APCDD1L: variants seen among roughly 807,000 people sequenced by gnomAD.
APCDD1L encodes the protein protein APCDD1-like.
APCDD1L carries 21 observed loss-of-function variants against 24.2 expected under a neutral mutation model. The observed-to-expected ratio is 0.87, with a 90% CI of 0.61 to 1.25. The LOEUF (loss-of-function observed/expected upper bound fraction) is 1.25. APCDD1L is among the 50% of genes most tolerant of loss of function. The pLI, the probability that APCDD1L is intolerant of heterozygous loss-of-function variation, is 0.00. For missense variants in APCDD1L, 704 were observed against 711.7 expected (o/e 0.99, Z 0.12); for synonymous variants, 321 against 323.6 (o/e 0.99, Z 0.09).
rs1989720156 is a variant in APCDD1L, at chr20:58,467,109, T to C, written c.738A>G (p.Ala246=). The change falls in exon 3 of 4, where the codon GCA becomes GCG. Residue 246 remains alanine (A), a synonymous_variant. Coordinates refer to ENST00000371149, the MANE Select transcript of APCDD1L (RefSeq NM_153360.3). The surrounding 1 kb of genome is among the most constrained non-coding windows in gnomAD (Gnocchi z 5.9). ...PTGYQRPLQS[A]LHHVQPCPAC... is the part of the protein sequence containing the mutation. ...ACACCCCAACACACACACTCACCAG[T>C]GCGCTCTGCAGCGGGCGCTGGTAGC... The C allele has an allele frequency of 6.2e-7, 1 of 1,602,530 alleles. No individual in the cohort carries two copies. Among genetic ancestry groups the C allele is most frequent in the African/African-American group, 1.4e-5 (1 of 74,030 alleles).
chr20:58,468,165 A>G (rs1261616589), intron 2 of APCDD1L, among the ~76,000 whole-genome samples: 1 of 152,024 alleles, frequency 6.6e-6, no homozygotes, highest in Non-Finnish European at 1.5e-5. Flanking sequence ...CTTTTTCTGT[A>G]AAGGGCTGAG....
intron 3 of APCDD1L, among the ~76,000 whole-genome samples, chr20:58,466,762 G>A (rs544105246): frequency 6.6e-6 from 1 of 152,290 alleles, no homozygotes; most frequent in South Asian, 2.1e-4. Context: ...TATTTCAGCC[G>A]AGAACTAAGG....
At chr20:58,495,389 G>C (rs529283307) in intron 1 of APCDD1L, among the ~76,000 whole-genome samples, 1 of 152,220 alleles carries the variant, frequency 6.6e-6, no homozygotes, top group Admixed American at 6.5e-5. Flanking sequence ...GCCGGCCCTT[G>C]GGGCCAGATA....
chr20:58,513,026 G>A (rs1990658716), intron 1 of APCDD1L, among the ~76,000 whole-genome samples: 1 of 152,204 alleles, frequency 6.6e-6, no homozygotes, highest in Non-Finnish European at 1.5e-5. Flanking sequence ...TACACTCACA[G>A]TGATTTCATT....
chr20:58,466,125 CAAAA>C (rs35123325), intron 3 of APCDD1L, among the ~76,000 whole-genome samples: 43 of 120,418 alleles, frequency 3.6e-4, no homozygotes, highest in African/African-American at 1.2e-3. Flanking sequence ...GCTCATCTGG[CAAAA>C]AAAAAAAAAA....
intron 1 of APCDD1L, among the ~76,000 whole-genome samples, chr20:58,482,592 G>C (rs1990043816): frequency 6.6e-6 from 1 of 152,058 alleles, no homozygotes; most frequent in Admixed American, 6.6e-5. Context: ...GATGACCACA[G>C]CGGGTGAGTC....
intron 1 of APCDD1L, among the ~76,000 whole-genome samples, chr20:58,503,292 A>G (rs898576227): frequency 1.3e-5 from 2 of 152,204 alleles, no homozygotes; most frequent in African/African-American, 4.8e-5. Context: ...AAGCCCAGGT[A>G]CTTTCACTCA....
intron 1 of APCDD1L, among the ~76,000 whole-genome samples, chr20:58,478,503 C>T (rs973356883): frequency 6.6e-5 from 10 of 151,998 alleles, no homozygotes; most frequent in African/African-American, 2.2e-4. Context: ...GCTGGGTCCT[C>T]ATCTCTCTTG....
intron 1 of APCDD1L, among the ~76,000 whole-genome samples, chr20:58,491,050 T>A (rs1405725184): frequency 2.0e-5 from 3 of 152,242 alleles, no homozygotes; most frequent in Non-Finnish European, 4.4e-5. Flanking sequence ...AAAATGCATT[T>A]GATAAAATTC....
At position 58,467,186 on chromosome 20, in the gene APCDD1L, G is replaced by C. The variant is rs756484848; in HGVS notation, c.661C>G (p.Leu221Val). The C allele has an allele frequency of 1.1e-5, 18 of 1,606,372 alleles. No homozygotes were observed. In the East Asian group the frequency reaches 4.0e-4, roughly 36 times the overall value. The change falls in exon 3 of 4, where the codon CTG (leucine) becomes GTG (valine). Residue 221 changes from leucine to valine, a missense_variant. By Grantham distance (32) the Leu-to-Val change is conservative. Transcript: ENST00000371149. The surrounding 1 kb of genome is among the most constrained non-coding windows in gnomAD (Gnocchi z 5.9). ...ASPRLVEELYLGDIHTDPAER... is the reference protein window; with the variant it reads ...ASPRLVEELYVGDIHTDPAER... ...GCCGGGTCGGTGTGGATGTCCCCCAGGTACAGCTCCTCCACCAGCCGGGGC... is the reference window on the plus strand; with the variant it reads ...GCCGGGTCGGTGTGGATGTCCCCCACGTACAGCTCCTCCACCAGCCGGGGC...
In APCDD1L at chr20:58,461,299, C is replaced by T. The variant is rs201976535; in HGVS notation, c.997G>A (p.Ala333Thr). 316 of 1,609,388 alleles carry T rather than the reference C, an allele frequency of 2.0e-4. 3 individuals are homozygous for T. The East Asian group carries it at 6.3e-3, about 32-fold the overall frequency. ...CRQPTFTVYA[A>T]GRYTRGTPST... is the part of the protein sequence containing the mutation. ...GGCGTGCCCCTGGTGTAGCGGCCGG[C>T]GGCATACACGGTGAAGGTGGGCTGC... The change falls in exon 4 of 4, where the codon GCC becomes ACC. Residue 333 changes from alanine (A) to threonine (T), a missense_variant. Transcript: ENST00000371149. This position sits in a 1 kb window ranked among gnomAD's most constrained non-coding sequence, Gnocchi z 6.0.
intron 1 of APCDD1L, among the ~76,000 whole-genome samples, chr20:58,490,830 A>T (rs1990211985): frequency 6.6e-6 from 1 of 152,232 alleles, no homozygotes; most frequent in Non-Finnish European, 1.5e-5. Context: ...AGGAAAAATT[A>T]AGGACAGTAT....
In APCDD1L at chr20:58,495,000, C is replaced by T. The variant is rs59582204; in HGVS notation, c.49+19659G>A. ...CTCAAGGTGGGCCCTCTGGTGTCCC[C>T]TGGAGCCTGCTGCCCCCTGCACTCC... On this transcript the variant is annotated intron_variant, in intron 1 of 3. Coordinates refer to ENST00000371149, the MANE Select transcript of APCDD1L (RefSeq NM_153360.3). This position sits in a 1 kb window ranked among gnomAD's most constrained non-coding sequence, Gnocchi z 4.8. Among the ~76,000 whole-genome samples, 1,048 of 152,294 alleles carry T rather than the reference C, an allele frequency of 6.9e-3. 36 individuals carry two copies. The East Asian group carries it at 0.099, about 14-fold the overall frequency.
chr20:58,498,510 G>A (rs1402992593), intron 1 of APCDD1L, among the ~76,000 whole-genome samples: 1 of 152,240 alleles, frequency 6.6e-6, no homozygotes, highest in East Asian at 1.9e-4. Context: ...ATCGGCCCTT[G>A]TACAGGAAGA....
chr20:58,473,245 TC>T (rs1221928519), intron 1 of APCDD1L, among the ~76,000 whole-genome samples: 1 of 152,128 alleles, frequency 6.6e-6, no homozygotes, highest in Non-Finnish European at 1.5e-5. Context: ...GCTTTTTTTT[TC>T]CCCCTGCACC....
intron 1 of APCDD1L, chr20:58,514,027 T>C: frequency 8.4e-7 from 1 of 1,195,434 alleles, no homozygotes; most frequent in Non-Finnish European, 1.1e-6. Context: ...TTTGTACAGT[T>C]TTGTCTACCC....
At chr20:58,469,791 A>G (rs766533616) in intron 2 of APCDD1L, among the ~76,000 whole-genome samples, 7 of 152,236 alleles carry the variant, frequency 4.6e-5, no homozygotes, top group Non-Finnish European at 7.3e-5. Context: ...CAGGAGGTAC[A>G]GGAAGGACAC....
At chr20:58,469,283 T>C (rs1989769658) in intron 2 of APCDD1L, among the ~76,000 whole-genome samples, 1 of 151,990 alleles carries the variant, frequency 6.6e-6, no homozygotes, top group Non-Finnish European at 1.5e-5. Context: ...TTACAGAAAA[T>C]GATAAGTAAA....
Position 58,508,986 on chromosome 20 carries a change from G to GTGCA in APCDD1L, c.49+5669_49+5672dup, listed in dbSNP as rs1406906895. ...TCTGTGTGCGCACGTGTGTGTGCAT[G>GTGCA]TGCATGCGTGTGTGTGTGTGTGTGT... On this transcript the variant is annotated intron_variant, in intron 1 of 3. Coordinates refer to ENST00000371149, the MANE Select transcript of APCDD1L (RefSeq NM_153360.3). The surrounding 1 kb of genome is among the most constrained non-coding windows in gnomAD (Gnocchi z 4.0). Among the ~76,000 whole-genome samples the GTGCA allele has an allele frequency of 8.8e-6, 1 of 113,734 alleles. No homozygotes were observed. The highest frequency in any genetic ancestry group is 1.8e-5 in the Non-Finnish European group (1 of 54,964). 74.6% of individuals were successfully genotyped at this position (113,734 alleles called of 152,430 possible).
Sources: allele counts gnomAD v4.1 joint callset (sites outside exome capture counted in the v4.1 genomes callset), GRCh38; gene constraint gnomAD v4.1.1; non-coding constraint Gnocchi (gnomAD v3.1); transcripts MANE v1.5; gene names NCBI Gene and HGNC (gene_info 2026-07-23, HGNC 2026-07-21).